RUNX1: variants seen among roughly 807,000 people sequenced by gnomAD.
RUNX1 encodes the protein runt-related transcription factor 1.
Under a neutral mutation model 42.8 loss-of-function variants are expected in RUNX1, and 19 were observed. That is an observed-to-expected ratio of 0.44 (90% CI 0.31 to 0.65). The LOEUF (loss-of-function observed/expected upper bound fraction) is 0.65, where lower values mean the gene tolerates loss of function less well. Ranked by LOEUF, RUNX1 falls within the 30% of genes least tolerant of loss-of-function variation. The pLI is 0.07. For missense variants in RUNX1, 528 were observed against 672.0 expected (o/e 0.79, Z 2.37); for synonymous variants, 271 against 289.4 (o/e 0.94, Z 0.64).
intron 2 of RUNX1, among the ~76,000 whole-genome samples, chr21:34,988,861 G>A (rs1261636152): frequency 1.3e-5 from 2 of 152,120 alleles, no homozygotes; most frequent in Admixed American, 6.5e-5. Context: ...AGCTGATAGT[G>A]GGCAGGAGAA....
chr21:34,844,369 A>T (rs74328086), intron 6 of RUNX1, among the ~76,000 whole-genome samples: 3,851 of 152,236 alleles, frequency 0.025, 49 homozygotes, highest in African/African-American at 0.034. Context: ...AAGATCCAGG[A>T]GGCGCACACA....
intron 2 of RUNX1, among the ~76,000 whole-genome samples, chr21:34,926,147 A>G (rs926712363): frequency 1.3e-5 from 2 of 152,142 alleles, no homozygotes; most frequent in African/African-American, 4.8e-5. Flanking sequence ...TTAATAATTA[A>G]AAGTATGTAT....
chr21:34,867,248 A>C (rs1262149594), intron 5 of RUNX1, among the ~76,000 whole-genome samples: 1 of 151,724 alleles, frequency 6.6e-6, no homozygotes, highest in Non-Finnish European at 1.5e-5. Context: ...AATATAAAAA[A>C]TAAAATAAAA....
In RUNX1 at chr21:34,932,826, A is replaced by C. The variant is rs570197233; in HGVS notation, c.59-39863T>G. On this transcript the variant is annotated intron_variant, in intron 2 of 8. Coordinates refer to ENST00000675419, the MANE Select transcript of RUNX1 (RefSeq NM_001754.5). ...ATGTTAACCAACGGTGCCTAGTGGA[A>C]CCTCATTACCCCCGGCATTTCCCAT... Among the ~76,000 whole-genome samples the C allele has an allele frequency of 2.6e-5, 4 of 152,104 alleles. No individual in the cohort carries two copies. In the South Asian group the frequency reaches 8.3e-4, roughly 32 times the overall value.
chr21:34,914,611 AG>A (rs1381241299), intron 2 of RUNX1, among the ~76,000 whole-genome samples: 1 of 152,162 alleles, frequency 6.6e-6, no homozygotes, highest in East Asian at 1.9e-4. Flanking sequence ...GTGGCAACTC[AG>A]GGAACTCAGT....
chr21:35,002,937 G>A (rs1348620593), intron 2 of RUNX1, among the ~76,000 whole-genome samples: 2 of 152,070 alleles, frequency 1.3e-5, no homozygotes, highest in African/African-American at 4.8e-5. Flanking sequence ...AATGAGACAA[G>A]ACCAACAAGT....
chr21:34,796,865 G>A (rs1005902382), intron 8 of RUNX1, among the ~76,000 whole-genome samples: 1 of 152,200 alleles, frequency 6.6e-6, no homozygotes, highest in African/African-American at 2.4e-5. Context: ...TGTGGAGTCT[G>A]TCTGCAAAGG....
At chr21:34,867,210 A>C (rs893975917) in intron 5 of RUNX1, among the ~76,000 whole-genome samples, 1 of 152,064 alleles carries the variant, frequency 6.6e-6, no homozygotes, top group Non-Finnish European at 1.5e-5. Flanking sequence ...CAGTCTGGGC[A>C]GCTTGGTGAA....
In RUNX1 at chr21:34,887,079, G is replaced by T; in HGVS notation, c.115C>A (p.Arg39Ser). 2.5e-6 allele frequency: 4 copies of T among 1,598,478 alleles called. No homozygotes were observed. The highest frequency in any genetic ancestry group is 3.4e-6 in the Non-Finnish European group (4 of 1,179,844). The change falls in exon 4 of 9, where the codon CGC (arginine) becomes AGC (serine). Residue 39 changes from arginine (R) to serine (S), a missense_variant. By Grantham distance (110) the Arg-to-Ser change is moderately radical. This residue lies in a region of RUNX1 where 114 missense variants were observed against 115.0 expected (regional missense o/e 0.99). Coordinates refer to ENST00000675419, the MANE Select transcript of RUNX1 (RefSeq NM_001754.5). ...RDVHDASTSR[R>S]FTPPSTALSP... ...AGCGCGGTGGAAGGCGGCGTGAAGC[G>T]GCGGCTCGTGCTGGCATCTACGGGG... is the stretch of plus-strand genomic sequence containing the variant.
chr21:34,889,773 G>A lies in RUNX1; in HGVS notation c.98-2677C>T, dbSNP rs760379419. ...CTCGGAGGGCCCCGCCCCCGGTCCG[G>A]CGTGCGCTGCCAACTCCGACCCCGC... On this transcript the variant is annotated intron_variant, in intron 3 of 8. Coordinates refer to ENST00000675419, the MANE Select transcript of RUNX1 (RefSeq NM_001754.5). The A allele has an allele frequency of 1.4e-5, 16 of 1,149,092 alleles. No individual in the cohort carries two copies. In the South Asian group the frequency reaches 2.5e-4, roughly 18 times the overall value. 71.2% of individuals were successfully genotyped at this position (1,149,092 alleles called of 1,614,324 possible). A position where few individuals can be genotyped will look rare whatever the true frequency, so the allele number is the denominator to read the frequency against.
chr21:34,941,319 T>G (rs776408579), intron 2 of RUNX1, among the ~76,000 whole-genome samples: 1 of 152,180 alleles, frequency 6.6e-6, no homozygotes, highest in East Asian at 1.9e-4. Flanking sequence ...CCTCCTTTCC[T>G]CCTGGAATTT....
At chr21:34,911,908 A>G (rs1323111993) in intron 2 of RUNX1, among the ~76,000 whole-genome samples, 1 of 152,096 alleles carries the variant, frequency 6.6e-6, no homozygotes, top group Non-Finnish European at 1.5e-5. Flanking sequence ...ACCGTCATCT[A>G]CTAAAGTAAT....
Position 34,909,393 on chromosome 21 carries a change from C to T in RUNX1, c.59-16430G>A, listed in dbSNP as rs952000984. 2.0e-5 allele frequency among the ~76,000 whole-genome samples: 3 copies of T among 152,032 alleles called. No individual in the cohort carries two copies. In the South Asian group the frequency reaches 6.2e-4, roughly 32 times the overall value. ...TGGAGCACATCAGATAGGTTTATTA[C>T]TTTGTTCCTCCCTTGTCATTTTTTG... On this transcript the variant is annotated intron_variant, in intron 2 of 8. Coordinates refer to ENST00000675419, the MANE Select transcript of RUNX1 (RefSeq NM_001754.5).
rs75184619 is a variant in RUNX1, at chr21:34,910,321, A to G, written c.59-17358T>C. On this transcript the variant is annotated intron_variant, in intron 2 of 8. Coordinates refer to ENST00000675419, the MANE Select transcript of RUNX1 (RefSeq NM_001754.5). ...AGCACTCAGGACTCTCCCAGGTCCTATTTTTCTCCTTTTGGTAATTTCCTG... is the reference window on the plus strand; with the variant it reads ...AGCACTCAGGACTCTCCCAGGTCCTGTTTTTCTCCTTTTGGTAATTTCCTG... Among the ~76,000 whole-genome samples, 881 of 151,398 alleles carry G rather than the reference A, an allele frequency of 5.8e-3. 7 individuals are homozygous for G. Among genetic ancestry groups the G allele is most frequent in the African/African-American group, 0.02 (843 of 41,234 alleles).
chr21:34,981,890 C>A (rs2146792540), intron 2 of RUNX1, among the ~76,000 whole-genome samples: 1 of 152,260 alleles, frequency 6.6e-6, no homozygotes, highest in East Asian at 1.9e-4. Context: ...GCCATCAGTG[C>A]AGCAAGGAGC....
intron 2 of RUNX1, chr21:35,038,899 G>C (rs1433818581): frequency 2.8e-6 from 1 of 360,194 alleles, no homozygotes; most frequent in Non-Finnish European, 5.6e-6. Context: ...TTTTGCCCTA[G>C]ACCCTCATCA....
chr21:34,801,339 A>C, intron 7 of RUNX1, among the ~76,000 whole-genome samples: 1 of 151,630 alleles, frequency 6.6e-6, no homozygotes, highest in Non-Finnish European at 1.5e-5. Context: ...AGCCACACTA[A>C]GCATAAAGTA....
At chr21:34,844,483 C>T (rs1179814476) in intron 6 of RUNX1, among the ~76,000 whole-genome samples, 7 of 152,198 alleles carry the variant, frequency 4.6e-5, no homozygotes, top group Admixed American at 1.3e-4. Context: ...AGATCTCATA[C>T]ATAATGGGCA....
At chr21:34,951,348 T>C (rs1398502654) in intron 2 of RUNX1, among the ~76,000 whole-genome samples, 1 of 152,250 alleles carries the variant, frequency 6.6e-6, no homozygotes, top group African/African-American at 2.4e-5. Flanking sequence ...AAAAATATTA[T>C]GGAAGCTCTT....
Sources: allele counts gnomAD v4.1 joint callset (sites outside exome capture counted in the v4.1 genomes callset), GRCh38; gene constraint gnomAD v4.1.1; regional missense constraint gnomAD v4.1.1; transcripts MANE v1.5; gene names NCBI Gene and HGNC (gene_info 2026-07-23, HGNC 2026-07-21).